GRAMD2B: variants seen among roughly 807,000 people sequenced by gnomAD.
GRAMD2B encodes the protein GRAM domain-containing protein 2B.
A neutral mutation model predicts 59.2 loss-of-function variants in GRAMD2B; 41 were observed. That is an observed-to-expected ratio of 0.69 (90% CI 0.54 to 0.90). The LOEUF is 0.90. Ranked by LOEUF, GRAMD2B falls within the 40% of genes least tolerant of loss-of-function variation. The probability of loss-of-function intolerance (pLI) is 0.00; values close to 1 mark genes in which losing one functional copy is unlikely to be tolerated. For missense variants in GRAMD2B, 424 were observed against 500.5 expected (o/e 0.85, Z 1.46); for synonymous variants, 161 against 182.7 (o/e 0.88, Z 0.96).
upstream of GRAMD2B, among the ~76,000 whole-genome samples, chr5:126,367,457 G>A (rs1186875811): frequency 6.7e-6 from 1 of 149,598 alleles, no homozygotes; most frequent in East Asian, 1.9e-4. Flanking sequence ...AGGAGGAGGA[G>A]GAGGAGGAGG....
intron 1 of GRAMD2B, among the ~76,000 whole-genome samples, chr5:126,428,476 A>T (rs1378974609): frequency 6.6e-6 from 1 of 152,224 alleles, no homozygotes; most frequent in South Asian, 2.1e-4. Context: ...TGAAAAAAAT[A>T]TATAGTGAAC....
chr5:126,455,634 G>C (rs1766148370), intron 1 of GRAMD2B, among the ~76,000 whole-genome samples: 1 of 152,212 alleles, frequency 6.6e-6, no homozygotes, highest in African/African-American at 2.4e-5. Context: ...CAATGGCTGT[G>C]ATGCAGTAAT....
At chr5:126,474,337 C>G (rs1356539711) in intron 5 of GRAMD2B, among the ~76,000 whole-genome samples, 1 of 152,194 alleles carries the variant, frequency 6.6e-6, no homozygotes, top group African/African-American at 2.4e-5. Flanking sequence ...GACCACTTAA[C>G]AAATCTAATA....
At chr5:126,479,703 C>T (rs932201489) in intron 6 of GRAMD2B, among the ~76,000 whole-genome samples, 4 of 152,008 alleles carry the variant, frequency 2.6e-5, no homozygotes, top group East Asian at 1.9e-4. Context: ...AGTACTTGCT[C>T]GGAAATAATT....
chr5:126,475,685 G>A (rs938997694), intron 5 of GRAMD2B, among the ~76,000 whole-genome samples: 5 of 152,190 alleles, frequency 3.3e-5, no homozygotes, highest in Admixed American at 3.3e-4. Flanking sequence ...TCATTTTGTG[G>A]CCAGGCACAG....
rs374224114 is a variant in GRAMD2B, at chr5:126,492,908, T to C, written c.1258-7T>C. The C allele has an allele frequency of 6.7e-5, 107 of 1,594,082 alleles. No individual in the cohort carries two copies. The highest frequency in any genetic ancestry group is 8.5e-5 in the Non-Finnish European group (99 of 1,162,322). ...AATAATAGGAACTTCTTTTCTTTTA[T>C]TTCAAGATACAAAATAACTTACAGA... On this transcript the variant is annotated splice_region_variant and splice_polypyrimidine_tract_variant and intron_variant, in intron 13 of 13. Transcript: ENST00000285689.
chr5:126,484,336 G>A (rs917801544), intron 9 of GRAMD2B, 66 bp from the exon 10 acceptor site: 1 of 1,533,640 alleles, frequency 6.5e-7, no homozygotes, highest in African/African-American at 1.4e-5. Context: ...TGATTTACTT[G>A]GAGATTAATC....
chr5:126,422,419 G>A (rs559379548), upstream of GRAMD2B, among the ~76,000 whole-genome samples: 12 of 152,160 alleles, frequency 7.9e-5, no homozygotes, highest in South Asian at 8.3e-4. Context: ...TGCTAGTCTC[G>A]AACTCCTGAC....
At chr5:126,432,590 A>C (rs1761751338) in intron 1 of GRAMD2B, among the ~76,000 whole-genome samples, 1 of 152,214 alleles carries the variant, frequency 6.6e-6, no homozygotes, top group Non-Finnish European at 1.5e-5. Flanking sequence ...TTAGAAAATA[A>C]CACCTCATTA....
chr5:126,489,339 G>A (rs369668104), intron 13 of GRAMD2B, among the ~76,000 whole-genome samples: 2 of 152,186 alleles, frequency 1.3e-5, no homozygotes, highest in Non-Finnish European at 2.9e-5. Flanking sequence ...GAAGATAGAC[G>A]TCATTGTTCC....
chr5:126,488,948 CCTAGGTCA>C (rs1773453836), intron 13 of GRAMD2B, 56 bp downstream of exon 13: 1 of 1,312,966 alleles, frequency 7.6e-7, no homozygotes, highest in African/African-American at 1.5e-5. Context: ...TGTTGGTTGC[CCTAGGTCA>C]GGTCAGGGAT....
At chr5:126,452,579 C>T (rs1765567153) in intron 1 of GRAMD2B, among the ~76,000 whole-genome samples, 1 of 152,184 alleles carries the variant, frequency 6.6e-6, no homozygotes, top group Admixed American at 6.5e-5. Context: ...CACCCTTATC[C>T]GTCCATCAGT....
chr5:126,483,914 C>T (rs113567686), intron 9 of GRAMD2B, among the ~76,000 whole-genome samples: 2,057 of 152,304 alleles, frequency 0.014, 63 homozygotes, highest in African/African-American at 0.047. Flanking sequence ...CTGCAACCTC[C>T]ACCCCCCGGG....
chr5:126,406,543 G>T (rs1282990498), intron 1 of GRAMD2B, among the ~76,000 whole-genome samples: 1 of 151,558 alleles, frequency 6.6e-6, no homozygotes, highest in Non-Finnish European at 1.5e-5. Context: ...CAGCCCCAAG[G>T]CAATCCCTAT....
At chr5:126,413,127 G>A (rs899025237) in intron 1 of GRAMD2B, among the ~76,000 whole-genome samples, 1 of 151,942 alleles carries the variant, frequency 6.6e-6, no homozygotes, top group Admixed American at 6.6e-5. Flanking sequence ...TCTAATTTTA[G>A]TTATTTATTT....
chr5:126,399,795 T>C (rs1005608686), intron 1 of GRAMD2B, among the ~76,000 whole-genome samples: 12 of 152,328 alleles, frequency 7.9e-5, no homozygotes, highest in Non-Finnish European at 7.4e-5. Flanking sequence ...TTGTCATTCC[T>C]GCTTTCTTTT....
intron 2 of GRAMD2B, among the ~76,000 whole-genome samples, chr5:126,465,932 G>A (rs1216264285): frequency 1.3e-5 from 2 of 152,084 alleles, no homozygotes; most frequent in South Asian, 2.1e-4. Context: ...TCCCCATCCC[G>A]GGGACCCACC....
chr5:126,394,929 A>G (rs1323822428), intron 1 of GRAMD2B, among the ~76,000 whole-genome samples: 1 of 152,188 alleles, frequency 6.6e-6, no homozygotes, highest in Non-Finnish European at 1.5e-5. Flanking sequence ...AGGCTAGCTC[A>G]GAGATTATTT....
At chr5:126,368,069 A>AT (rs879274394), upstream of GRAMD2B, among the ~76,000 whole-genome samples, 3 of 152,170 alleles carry the variant, frequency 2.0e-5, no homozygotes, top group Non-Finnish European at 4.4e-5. Context: ...TTTCAACATT[A>AT]TTTCTCAATT....
Sources: gnomAD v4.1 joint callset for allele counts (sites outside exome capture counted in the v4.1 genomes callset) on GRCh38, gnomAD v4.1.1 for gene constraint, MANE v1.5 for transcripts, NCBI Gene and HGNC (gene_info 2026-07-23, HGNC 2026-07-21) for gene names.